FANCM: variants seen among roughly 807,000 people sequenced by gnomAD.
The protein encoded by FANCM is FA complementation group M.
Under a neutral mutation model 199.5 loss-of-function variants are expected in FANCM, and 140 were observed. The ratio of observed to expected loss-of-function variants is 0.70; its 90% CI spans 0.61 to 0.81. FANCM has a LOEUF of 0.81. Among genes scored for constraint, FANCM ranks in the 30% least tolerant of loss-of-function variants. The probability of loss-of-function intolerance (pLI) is 0.00; values close to 1 mark genes in which losing one functional copy is unlikely to be tolerated. For synonymous variants in FANCM, 840 were observed against 836.8 expected, an observed-to-expected ratio of 1.00 and a Z score of -0.07; for missense variants, 2,410 against 2,421.4, an observed-to-expected ratio of 1.00 and a Z score of 0.10.
intron 14 of FANCM, among the ~76,000 whole-genome samples, chr14:45,180,539 T>C (rs1889002053): frequency 6.6e-6 from 1 of 152,166 alleles, no homozygotes; most frequent in South Asian, 2.1e-4. Flanking sequence ...CTCTGTCTCT[T>C]GGGCTCAAGC....
chr14:45,198,583 T>C (rs927763106), intron 21 of FANCM, 61 bp from the exon 22 acceptor site: 4 of 1,155,568 alleles, frequency 3.5e-6, no homozygotes, highest in Non-Finnish European at 5.0e-6. Flanking sequence ...ATAAAGTATA[T>C]TAATAATTCT....
chr14:45,149,387 G>A (rs1340908214), intron 4 of FANCM, among the ~76,000 whole-genome samples: 1 of 152,092 alleles, frequency 6.6e-6, no homozygotes, highest in Middle Eastern at 3.4e-3. Context: ...ACATGAACAC[G>A]TACTGAGATT....
intron 14 of FANCM, 75 bp downstream of exon 14, chr14:45,177,051 AAATGT>A: frequency 1.0e-6 from 1 of 990,800 alleles, no homozygotes; most frequent in Non-Finnish European, 1.6e-6. Flanking sequence ...TAATTTTTCC[AAATGT>A]AATTTTTTAG....
intron 20 of FANCM, among the ~76,000 whole-genome samples, chr14:45,192,838 A>T (rs1293545121): frequency 6.6e-6 from 1 of 152,070 alleles, no homozygotes; most frequent in African/African-American, 2.4e-5. Flanking sequence ...AAAAAAAAAA[A>T]ATTAAAAAAA....
At position 45,136,071 on chromosome 14, in the gene FANCM, T is replaced by C. The variant is rs750309270; in HGVS notation, c.40T>C (p.Ser14Pro). ...AAGAACGCTTTTTCAGACGTGGGGC[T>C]CAAGTATCTCCCGATCATCTGGGAC... is the stretch of plus-strand genomic sequence containing the variant. Reference protein sequence around the residue: ...RQRTLFQTWGSSISRSSGTPG... With the variant: ...RQRTLFQTWGPSISRSSGTPG... The change falls in exon 1 of 23, where the codon TCA (serine) becomes CCA (proline). Residue 14 changes from serine (S) to proline (P), a missense_variant. Ser to Pro is a moderately conservative substitution (Grantham distance 74). Coordinates refer to ENST00000267430, the MANE Select transcript of FANCM (RefSeq NM_020937.4). The C allele has an allele frequency of 6.2e-7, 1 of 1,613,898 alleles. No homozygotes were observed. The highest frequency in any genetic ancestry group is 1.1e-5 in the South Asian group (1 of 91,078).
intron 20 of FANCM, among the ~76,000 whole-genome samples, chr14:45,191,180 C>T (rs777626899): frequency 6.6e-6 from 1 of 152,134 alleles, no homozygotes; most frequent in Non-Finnish European, 1.5e-5. Context: ...TTCATCTCTT[C>T]AAGTTTTATG....
chr14:45,167,432 GA>G (rs1364813767), intron 11 of FANCM: 1 of 405,582 alleles, frequency 2.5e-6, no homozygotes, highest in Non-Finnish European at 4.5e-6. Context: ...AGAAAAGAAA[GA>G]AAACAGTTTT....
chr14:45,176,103 G>T lies in FANCM; in HGVS notation c.3349G>T (p.Asp1117Tyr). The change falls in exon 14 of 23, where the codon GAT (aspartate) becomes TAT (tyrosine). Residue 1117 changes from aspartate (D) to tyrosine (Y), a missense_variant. Coordinates refer to ENST00000267430, the MANE Select transcript of FANCM (RefSeq NM_020937.4). ...GAATTTAGTTGGAGAGAACAATCAT[G>T]ATGTTGATAACAGTGACCTCCCAGT... ...AQNLVGENNH[D>Y]VDNSDLPVLS... 6.2e-7 allele frequency: 1 copy of T among 1,614,028 alleles called. No homozygotes were observed. The highest frequency in any genetic ancestry group is 1.1e-5 in the South Asian group (1 of 91,074).
chr14:45,141,473 C>T (rs1489509605), intron 3 of FANCM, among the ~76,000 whole-genome samples: 1 of 128,572 alleles, frequency 7.8e-6, no homozygotes, highest in Admixed American at 7.6e-5. Context: ...ACTCCCCTCC[C>T]CTCCCCTCCC....
rs757384995 is a variant in FANCM at position 45,136,270 on chromosome 14, G to A, written c.239G>A (p.Gly80Asp). 2 of 1,614,148 alleles carry A rather than the reference G, an allele frequency of 1.2e-6. No individual in the cohort carries two copies. Among genetic ancestry groups the A allele is most frequent in the South Asian group, 2.2e-5 (2 of 91,086 alleles). ...LENGGFCTSA[G>D]ALWIYPTNCP... is the part of the protein sequence containing the mutation. ...AATGGCGGGTTCTGCACCTCCGCGG[G>A]CGCCCTGTGGATTTACCCTACCAAT... The change falls in exon 1 of 23, where the codon GGC (glycine) becomes GAC (aspartate). Residue 80 changes from glycine to aspartate, a missense_variant. Gly to Asp is a moderately conservative substitution (Grantham distance 94). Transcript: ENST00000267430.
chr14:45,142,546 T>G (rs932368485), intron 3 of FANCM, among the ~76,000 whole-genome samples: 1 of 151,978 alleles, frequency 6.6e-6, no homozygotes, highest in Non-Finnish European at 1.5e-5. Context: ...GACCTCGTGA[T>G]CCACCCGCCC....
chr14:45,167,217 G>A (rs1594787699), intron 11 of FANCM, 54 bp downstream of exon 11: 6 of 983,234 alleles, frequency 6.1e-6, no homozygotes, highest in Non-Finnish European at 8.2e-6. Context: ...TTACTTAGCA[G>A]GTCGTATCTT....
At chr14:45,198,209 C>A (rs1044913128) in intron 21 of FANCM, among the ~76,000 whole-genome samples, 6 of 152,054 alleles carry the variant, frequency 3.9e-5, no homozygotes, top group Non-Finnish European at 5.9e-5. Context: ...AGAAAATGAA[C>A]AAGAAAGGGT....
At chr14:45,170,186 A>T (rs1307339109) in intron 11 of FANCM, among the ~76,000 whole-genome samples, 1 of 152,234 alleles carries the variant, frequency 6.6e-6, no homozygotes, top group Admixed American at 6.5e-5. Flanking sequence ...TCCTAGACAG[A>T]TGGGTACTTT....
chr14:45,151,467 C>T lies in FANCM; in HGVS notation c.989C>T (p.Thr330Ile), dbSNP rs759774206. ...ATGAGAAGGGATATCCCAAATCTAACAAAATATCAGATAATTCTGGCAAGA... is the reference window on the plus strand; with the variant it reads ...ATGAGAAGGGATATCCCAAATCTAATAAAATATCAGATAATTCTGGCAAGA... ...VLMRRDIPNLTKYQIILARDQ... is the reference protein window; with the variant it reads ...VLMRRDIPNLIKYQIILARDQ... The change falls in exon 5 of 23, where the codon ACA becomes ATA. Residue 330 changes from threonine to isoleucine, a missense_variant. Thr to Ile is a moderately conservative substitution (Grantham distance 89). Coordinates refer to ENST00000267430, the MANE Select transcript of FANCM (RefSeq NM_020937.4). 1.2e-6 allele frequency: 2 copies of T among 1,611,690 alleles called. No individual in the cohort carries two copies. The highest frequency in any genetic ancestry group is 2.2e-5 in the South Asian group (2 of 91,036).
In FANCM at chr14:45,140,666, T is replaced by G; in HGVS notation, c.716T>G (p.Phe239Cys). ...GAACTAGTCAAATATACAAATCACT[T>G]TAGAATCTTGGCTCTAAGTGCCACA... ...VRELVKYTNH[F>C]RILALSATPG... Residue 239 changes from phenylalanine to cysteine, a missense_variant, in exon 3 of 23, where the codon TTT becomes TGT. Coordinates refer to ENST00000267430, the MANE Select transcript of FANCM (RefSeq NM_020937.4). 1 of 1,604,872 alleles carries G rather than the reference T, an allele frequency of 6.2e-7. No homozygotes were observed. Among genetic ancestry groups the G allele is most frequent in the Non-Finnish European group, 8.5e-7 (1 of 1,172,156 alleles).
chr14:45,171,631 C>G (rs955382241), intron 12 of FANCM, among the ~76,000 whole-genome samples: 10 of 151,982 alleles, frequency 6.6e-5, no homozygotes, highest in Non-Finnish European at 1.2e-4. Flanking sequence ...CCAACTCCAT[C>G]CAGGTTGCTG....
intron 13 of FANCM, 145 bp downstream of exon 13, chr14:45,173,355 C>T (rs1464360686): frequency 1.4e-5 from 10 of 720,346 alleles, no homozygotes; most frequent in Non-Finnish European, 1.7e-5. Flanking sequence ...GAGTTTTCTG[C>T]CTTAAGAGAA....
chr14:45,160,031 TACTC>T (rs756870059), intron 9 of FANCM, among the ~76,000 whole-genome samples: 123 of 149,756 alleles, frequency 8.2e-4, no homozygotes, highest in Admixed American at 1.5e-3. Context: ...GATGGAATCT[TACTC>T]TGTTGCCCAG....
Sources: gnomAD v4.1 joint callset for allele counts (sites outside exome capture counted in the v4.1 genomes callset) on GRCh38, gnomAD v4.1.1 for gene constraint, MANE v1.5 for transcripts, NCBI Gene and HGNC (gene_info 2026-07-23, HGNC 2026-07-21) for gene names.